C1QTNF3: variants seen among roughly 807,000 people sequenced by gnomAD.
The protein encoded by C1QTNF3 is complement C1q tumor necrosis factor-related protein 3.
C1QTNF3 carries 26 observed loss-of-function variants against 32.6 expected under a neutral mutation model. The ratio of observed to expected loss-of-function variants is 0.80; its 90% CI spans 0.58 to 1.11. The LOEUF (loss-of-function observed/expected upper bound fraction) is 1.11. Among genes scored for constraint, C1QTNF3 ranks in the 50% least tolerant of loss-of-function variants. C1QTNF3 has a pLI of 0.00. For synonymous variants in C1QTNF3, 155 were observed against 146.0 expected (o/e 1.06, Z -0.44); for missense variants, 362 against 398.2 (o/e 0.91, Z 0.77).
the C1QTNF3 span, among the ~76,000 whole-genome samples, chr5:34,241,959 A>C: frequency 9.0e-6 from 1 of 111,398 alleles, no homozygotes; most frequent in East Asian, 2.2e-4. Context: ...GAGGGAAGGA[A>C]GGAAGGAAGG....
the C1QTNF3 span, among the ~76,000 whole-genome samples, chr5:34,115,476 A>G: frequency 6.6e-6 from 1 of 152,170 alleles, no homozygotes; most frequent in Non-Finnish European, 1.5e-5. Context: ...CATGCCTGTA[A>G]TCTCAGCACT....
chr5:34,054,496 C>G, the C1QTNF3 span, among the ~76,000 whole-genome samples: 2 of 152,282 alleles, frequency 1.3e-5, no homozygotes, highest in East Asian at 1.9e-4. Context: ...CTGCCATGAA[C>G]AGTTCAGAAA....
intron 1 of C1QTNF3, among the ~76,000 whole-genome samples, chr5:34,037,826 C>T (rs1754778351): frequency 6.6e-6 from 1 of 152,186 alleles, no homozygotes; most frequent in Non-Finnish European, 1.5e-5. Context: ...CGGCACACCC[C>T]ACCTTCTAAT....
At chr5:34,180,566 G>C in the C1QTNF3 span, among the ~76,000 whole-genome samples, 222 of 151,900 alleles carry the variant, frequency 1.5e-3, no homozygotes, top group African/African-American at 5.2e-3. Context: ...GACAAATGGT[G>C]GCAGGAATTG....
the C1QTNF3 span, among the ~76,000 whole-genome samples, chr5:34,082,895 A>T: frequency 6.6e-6 from 1 of 151,800 alleles, no homozygotes; most frequent in Admixed American, 6.6e-5. Context: ...TATGTTTCAT[A>T]GTGTGCAAAC....
chr5:34,211,788 T>C, the C1QTNF3 span, among the ~76,000 whole-genome samples: 1 of 152,018 alleles, frequency 6.6e-6, no homozygotes, highest in Non-Finnish European at 1.5e-5. Context: ...ATCCAGTCTA[T>C]CACTGTTGGA....
At chr5:34,227,978 CTTTTT>C in the C1QTNF3 span, among the ~76,000 whole-genome samples, 1 of 137,576 alleles carries the variant, frequency 7.3e-6, no homozygotes, top group Middle Eastern at 3.7e-3. Flanking sequence ...GGAGAAAATC[CTTTTT>C]TTTTTTTTTT....
chr5:34,207,948 C>T, the C1QTNF3 span, among the ~76,000 whole-genome samples: 2 of 152,016 alleles, frequency 1.3e-5, no homozygotes, highest in African/African-American at 4.8e-5. Context: ...CCACCGTGCC[C>T]GGCTAATTTT....
the C1QTNF3 span, among the ~76,000 whole-genome samples, chr5:34,089,928 G>A: frequency 3.3e-5 from 5 of 152,180 alleles, no homozygotes; most frequent in South Asian, 2.1e-4. Flanking sequence ...CCAGACAAAG[G>A]AGTCAGTTAT....
At chr5:34,214,221 CAT>C in the C1QTNF3 span, among the ~76,000 whole-genome samples, 2 of 151,852 alleles carry the variant, frequency 1.3e-5, no homozygotes, top group Admixed American at 1.3e-4. Context: ...TTTTTAAAAA[CAT>C]ATATGAATGA....
the C1QTNF3 span, among the ~76,000 whole-genome samples, chr5:34,210,551 T>G: frequency 7.5e-4 from 114 of 152,002 alleles, 1 homozygote; most frequent in African/African-American, 2.7e-3. Flanking sequence ...AATCTTTTAT[T>G]GGAGTTAAAA....
the C1QTNF3 span, among the ~76,000 whole-genome samples, chr5:34,182,474 CAAATAAAT>C: frequency 0.011 from 1,521 of 137,790 alleles, 4 homozygotes; most frequent in African/African-American, 0.032. Flanking sequence ...GAGACCATCA[CAAATAAAT>C]AAATAAATAA....
the C1QTNF3 span, among the ~76,000 whole-genome samples, chr5:34,100,952 T>C: frequency 3.9e-5 from 6 of 152,128 alleles, no homozygotes; most frequent in Non-Finnish European, 5.9e-5. Context: ...TATAGGCTTA[T>C]GGCTGGTGCT....
the C1QTNF3 span, chr5:34,165,841 A>AT: frequency 2.0e-5 from 3 of 148,524 alleles, no homozygotes; most frequent in East Asian, 5.8e-4. Flanking sequence ...CCATGAGCTG[A>AT]TTAATTAAAA....
chr5:34,133,361 A>G, the C1QTNF3 span, among the ~76,000 whole-genome samples: 1 of 152,108 alleles, frequency 6.6e-6, no homozygotes, highest in African/African-American at 2.4e-5. Context: ...TGTCTCCCTT[A>G]GCATCTTCCT....
the C1QTNF3 span, among the ~76,000 whole-genome samples, chr5:34,091,140 C>T: frequency 6.6e-6 from 1 of 152,160 alleles, no homozygotes; most frequent in African/African-American, 2.4e-5. Flanking sequence ...ACTGCGCAGC[C>T]TGGAAATGAC....
chr5:34,121,303 A>G, the C1QTNF3 span, among the ~76,000 whole-genome samples: 103 of 152,270 alleles, frequency 6.8e-4, 1 homozygote, highest in South Asian at 3.7e-3. Flanking sequence ...CAAATAACTC[A>G]TCATATTAGT....
chr5:34,135,050 G>C, the C1QTNF3 span, among the ~76,000 whole-genome samples: 173 of 152,270 alleles, frequency 1.1e-3, 1 homozygote, highest in Middle Eastern at 0.01. Flanking sequence ...TATTGGCTGT[G>C]GGTTTGTCAC....
the C1QTNF3 span, among the ~76,000 whole-genome samples, chr5:34,207,602 C>T: frequency 2.8e-4 from 42 of 152,096 alleles, no homozygotes; most frequent in African/African-American, 9.4e-4. Flanking sequence ...TCCATTTAAT[C>T]TTTCAAGATC....
Sources: gnomAD v4.1 joint callset for allele counts (sites outside exome capture counted in the v4.1 genomes callset) on GRCh38, gnomAD v4.1.1 for gene constraint, MANE v1.5 for transcripts, NCBI Gene and HGNC (gene_info 2026-07-23, HGNC 2026-07-21) for gene names.